Variants in LRCH1 observed in about 807,000 individuals in gnomAD.
The protein encoded by LRCH1 is leucine rich repeats and calponin homology domain containing 1.
A neutral mutation model predicts 94.9 loss-of-function variants in LRCH1; 23 were observed. The ratio of observed to expected loss-of-function variants is 0.24; its 90% confidence interval spans 0.17 to 0.34. The LOEUF (loss-of-function observed/expected upper bound fraction) is 0.34. LRCH1 is among the 10% of genes least tolerant of loss of function. The pLI is 1.00. For missense variants in LRCH1, 790 were observed against 945.9 expected, an observed-to-expected ratio of 0.84 and a Z score of 2.16; for synonymous variants, 364 against 354.9, an observed-to-expected ratio of 1.03 and a Z score of -0.29.
chr13:46,669,706 T>A (rs1239652055), intron 3 of LRCH1, among the ~76,000 whole-genome samples: 1 of 152,244 alleles, frequency 6.6e-6, no homozygotes, highest in South Asian at 2.1e-4. Flanking sequence ...TGAGATGCAC[T>A]GTTATATTTC....
rs1459691222 is a variant in LRCH1 at position 46,681,934 on chromosome 13, CTTTGTG to C, written c.685+90_685+95del. 3 of 446,166 alleles carry C rather than the reference CTTTGTG, an allele frequency of 6.7e-6. No individual in the cohort carries two copies. The African/African-American group carries it at 1.3e-4, about 20-fold the overall frequency. The allele number at this position is 446,166 out of a possible 1,614,324, so 27.6% of individuals were successfully genotyped here. ...GTTTACTTTTGTGAAGAGGGTCGAT[CTTTGTG>C]TGTGTGTGTGTGTGTGTGTGTGTGT... On this transcript the variant is annotated intron_variant, in intron 4 of 19. Coordinates refer to ENST00000389797, the MANE Select transcript of LRCH1 (RefSeq NM_001164211.2).
chr13:46,583,892 C>A (rs2050401420), intron 1 of LRCH1, among the ~76,000 whole-genome samples: 1 of 152,110 alleles, frequency 6.6e-6, no homozygotes, highest in East Asian at 1.9e-4. Flanking sequence ...TCCCAAGTAG[C>A]TGGGATTACA....
At chr13:46,605,534 C>CCTT (rs1205850595) in intron 1 of LRCH1, among the ~76,000 whole-genome samples, 4 of 152,124 alleles carry the variant, frequency 2.6e-5, no homozygotes, top group East Asian at 3.8e-4. Flanking sequence ...TCCTCCTCCT[C>CCTT]CTTCCTATCC....
chr13:46,614,995 T>C (rs1300543225), intron 1 of LRCH1, among the ~76,000 whole-genome samples: 1 of 152,198 alleles, frequency 6.6e-6, no homozygotes. Context: ...GCTATTCTTT[T>C]TTAGGGCTAT....
chr13:46,666,471 C>T (rs1006787950), intron 2 of LRCH1, among the ~76,000 whole-genome samples: 2 of 152,124 alleles, frequency 1.3e-5, no homozygotes, highest in African/African-American at 4.8e-5. Context: ...ACTAGTGAGA[C>T]GGATAACTTA....
intron 16 of LRCH1, among the ~76,000 whole-genome samples, chr13:46,721,855 C>T (rs1197194148): frequency 6.6e-6 from 1 of 152,154 alleles, no homozygotes; most frequent in Non-Finnish European, 1.5e-5. Flanking sequence ...TCTCAACTTC[C>T]ATAGAGCATC....
At chr13:46,605,931 C>T (rs116738233) in intron 1 of LRCH1, among the ~76,000 whole-genome samples, 2,329 of 152,184 alleles carry the variant, frequency 0.015, 69 homozygotes, top group African/African-American at 0.052. Flanking sequence ...TTGTCGGGTT[C>T]AATATTCTTT....
intron 2 of LRCH1, among the ~76,000 whole-genome samples, chr13:46,651,913 A>G (rs1338571366): frequency 2.9e-5 from 4 of 139,830 alleles, no homozygotes; most frequent in Non-Finnish European, 6.2e-5. Flanking sequence ...TTTGAGACGG[A>G]GTCTTGCTCT....
At chr13:46,613,561 C>T (rs886072509) in intron 1 of LRCH1, among the ~76,000 whole-genome samples, 2 of 152,072 alleles carry the variant, frequency 1.3e-5, no homozygotes, top group Non-Finnish European at 2.9e-5. Flanking sequence ...ACCTGAGGCC[C>T]AAAGCGTGAT....
chr13:46,723,256 G>C lies in LRCH1; in HGVS notation c.1795G>C (p.Asp599His). Residue 599 changes from aspartate (D) to histidine (H), a missense_variant, in exon 17 of 20, where the codon GAC becomes CAC. This residue lies in a region of LRCH1 where 460 missense variants were observed against 508.9 expected (regional missense o/e 0.90). Transcript: ENST00000389797. The stretch of plus-strand genomic sequence containing the variant: ...ACCTCAGAGAAATTTGGAATCTATA[G>C]ACCCGCAGTTTACAATCCGGAGGAA... Reference protein sequence around the residue: ...LRPQRNLESIDPQFTIRRKME... With the variant: ...LRPQRNLESIHPQFTIRRKME... The C allele has an allele frequency of 6.2e-7, 1 of 1,613,716 alleles. No homozygotes were observed. The highest frequency in any genetic ancestry group is 8.5e-7 in the Non-Finnish European group (1 of 1,179,670).
At chr13:46,749,128 T>C (rs1874023856), downstream of LRCH1, among the ~76,000 whole-genome samples, 1 of 152,212 alleles carries the variant, frequency 6.6e-6, no homozygotes, top group Non-Finnish European at 1.5e-5. Flanking sequence ...ATTGGCTTCC[T>C]GCTGAACAGT....
chr13:46,675,689 A>G (rs1281487234), intron 3 of LRCH1, among the ~76,000 whole-genome samples: 4 of 152,206 alleles, frequency 2.6e-5, no homozygotes, highest in African/African-American at 9.6e-5. Context: ...CAGCGGAGGC[A>G]TAAATTCACG....
intron 1 of LRCH1, among the ~76,000 whole-genome samples, chr13:46,637,015 G>A (rs2051099568): frequency 6.6e-6 from 1 of 152,114 alleles, no homozygotes; most frequent in Non-Finnish European, 1.5e-5. Flanking sequence ...TCTAATAGGT[G>A]TCTCAACATT....
intron 3 of LRCH1, among the ~76,000 whole-genome samples, chr13:46,677,415 G>A (rs1321024714): frequency 1.3e-5 from 2 of 152,182 alleles, no homozygotes; most frequent in Admixed American, 6.5e-5. Flanking sequence ...GGGCGACAGA[G>A]CGAGACAATG....
chr13:46,602,719 G>A (rs757601730), intron 1 of LRCH1, among the ~76,000 whole-genome samples: 1 of 152,150 alleles, frequency 6.6e-6, no homozygotes, highest in African/African-American at 2.4e-5. Context: ...TTGGGAGGCC[G>A]AGTTGGGTGG....
At chr13:46,569,987 A>G (rs1433382280) in intron 1 of LRCH1, among the ~76,000 whole-genome samples, 1 of 152,156 alleles carries the variant, frequency 6.6e-6, no homozygotes, top group Non-Finnish European at 1.5e-5. Context: ...AGAGTTTATA[A>G]TGATTGAGTT....
At chr13:46,729,066 T>C in intron 18 of LRCH1, 82 bp downstream of exon 18, 1 of 1,351,822 alleles carries the variant, frequency 7.4e-7, no homozygotes. Context: ...GTCAATGGTG[T>C]CAGTAGGAGC....
intron 1 of LRCH1, among the ~76,000 whole-genome samples, chr13:46,559,993 T>C (rs764031964): frequency 2.4e-4 from 36 of 152,112 alleles, no homozygotes; most frequent in Non-Finnish European, 8.8e-5. Flanking sequence ...CATGTTGACG[T>C]CGATTAATTC....
intron 16 of LRCH1, among the ~76,000 whole-genome samples, chr13:46,721,979 G>A (rs1872601868): frequency 1.3e-5 from 2 of 152,160 alleles, no homozygotes; most frequent in African/African-American, 4.8e-5. Flanking sequence ...AGTTAGGCGA[G>A]CACAGGACTT....
Sources: gnomAD v4.1 joint callset for allele counts (sites outside exome capture counted in the v4.1 genomes callset) on GRCh38, gnomAD v4.1.1 for gene constraint, gnomAD v4.1.1 regional missense constraint, MANE v1.5 for transcripts, NCBI Gene and HGNC (gene_info 2026-07-23, HGNC 2026-07-21) for gene names.